Variants in GCNT2 observed in about 807,000 individuals in gnomAD.
GCNT2 encodes the protein N-acetyllactosaminide beta-1,6-N-acetylglucosaminyl-transferase.
GCNT2 carries 34 observed loss-of-function variants against 34.2 expected under a neutral mutation model. The observed-to-expected ratio is 1.00, with a 90% CI of 0.76 to 1.32. The LOEUF (loss-of-function observed/expected upper bound fraction) is 1.32, where lower values mean the gene tolerates loss of function less well. Among genes scored for constraint, GCNT2 ranks in the 40% most tolerant of loss-of-function variants. The probability of loss-of-function intolerance (pLI) is 0.00; values close to 1 mark genes in which losing one functional copy is unlikely to be tolerated. For missense variants in GCNT2, 584 were observed against 489.4 expected (o/e 1.19, Z -1.82); for synonymous variants, 212 against 188.0 (o/e 1.13, Z -1.04).
rs748306863 is a variant in GCNT2, at chr6:10,626,521, C to T, written c.1123C>T (p.Leu375Phe). Residue 375 changes from leucine (L) to phenylalanine (F), a missense_variant, in exon 5 of 5, where the codon CTT becomes TTT. Transcript: ENST00000495262. ...ANKFELNTYP[L>F]TVECLELRHR... The stretch of plus-strand genomic sequence containing the variant: ...CAAGTTTGAGCTTAATACCTACCCC[C>T]TTACTGTGGAATGCCTAGAACTGAG... The T allele has an allele frequency of 5.0e-6, 8 of 1,613,582 alleles. No individual in the cohort carries two copies. The highest frequency in any genetic ancestry group is 2.2e-5 in the East Asian group (1 of 44,888).
At chr6:10,561,198 T>C (rs1392425686) in intron 3 of GCNT2, among the ~76,000 whole-genome samples, 1 of 152,200 alleles carries the variant, frequency 6.6e-6, no homozygotes, top group Non-Finnish European at 1.5e-5. Context: ...AGAGTTTCAC[T>C]CTTGCCCAGG....
intron 3 of GCNT2, among the ~76,000 whole-genome samples, chr6:10,617,998 G>A (rs916500604): frequency 2.0e-5 from 3 of 149,050 alleles, no homozygotes; most frequent in East Asian, 2.0e-4. Flanking sequence ...CAGGTGATCC[G>A]CCCGCCTCGG....
chr6:10,582,043 T>TATATATTTAA lies in GCNT2; in HGVS notation c.926-39304_926-39303insATTTAAATAT, dbSNP rs1325773935. The TATATATTTAA allele has an allele frequency of 5.7e-3, 1,029 of 181,142 alleles. 13 individuals are homozygous for TATATATTTAA. The highest frequency in any genetic ancestry group is 0.024 in the African/African-American group (969 of 40,668). The allele number at this position is 181,142 out of a possible 1,614,324, so 11.2% of individuals were successfully genotyped here. ...GTATATATCATATGTATTATATGTA[T>TATATATTTAA]ATATTTAAAAATACACATGTAATAT... On this transcript the variant is annotated intron_variant, in intron 3 of 4. Coordinates refer to ENST00000495262, the MANE Select transcript of GCNT2 (RefSeq NM_145649.5).
chr6:10,546,356 A>T (rs968172738), intron 3 of GCNT2, among the ~76,000 whole-genome samples: 1 of 152,078 alleles, frequency 6.6e-6, no homozygotes, highest in African/African-American at 2.4e-5. Flanking sequence ...CCTAAAACTC[A>T]ACTACTAAAA....
intron 4 of GCNT2, among the ~76,000 whole-genome samples, chr6:10,625,325 A>G (rs1766210487): frequency 6.6e-6 from 1 of 152,176 alleles, no homozygotes; most frequent in Admixed American, 6.5e-5. Context: ...AAAAATCTTT[A>G]AGGACTGTCC....
intron 3 of GCNT2, among the ~76,000 whole-genome samples, chr6:10,542,259 G>T (rs1252564894): frequency 6.6e-6 from 1 of 152,114 alleles, no homozygotes; most frequent in African/African-American, 2.4e-5. Context: ...TTTTCTAGAA[G>T]GCTTGCCAAT....
chr6:10,621,321 C>T, intron 3 of GCNT2, 30 bp from the exon 4 acceptor site: 1 of 1,412,862 alleles, frequency 7.1e-7, no homozygotes, highest in Non-Finnish European at 1.0e-6. Flanking sequence ...TGACTCTCAT[C>T]TCTACGCTTC....
intron 3 of GCNT2, among the ~76,000 whole-genome samples, chr6:10,568,217 G>GT (rs1232442547): frequency 1.3e-5 from 2 of 151,794 alleles, no homozygotes; most frequent in Non-Finnish European, 2.9e-5. Flanking sequence ...ACATCTCCTT[G>GT]TTTTTTGGAT....
chr6:10,585,573 A>G (rs1764306451), intron 3 of GCNT2, among the ~76,000 whole-genome samples: 1 of 152,200 alleles, frequency 6.6e-6, no homozygotes, highest in South Asian at 2.1e-4. Flanking sequence ...AGATCAGAAT[A>G]GATTGATGGA....
chr6:10,605,192 T>G (rs1378898879), intron 3 of GCNT2, among the ~76,000 whole-genome samples: 2 of 149,964 alleles, frequency 1.3e-5, no homozygotes, highest in Non-Finnish European at 3.0e-5. Flanking sequence ...TAACCACATA[T>G]TGCTTTCATG....
At chr6:10,573,019 T>C (rs1392754784) in intron 3 of GCNT2, 6 of 196,132 alleles carry the variant, frequency 3.1e-5, no homozygotes, top group Non-Finnish European at 5.5e-5. Flanking sequence ...TAAGAGTGGA[T>C]TGAATAAACT....
Position 10,627,257 on chromosome 6 carries a change from C to A in GCNT2, c.*650C>A, listed in dbSNP as rs1280233579. ...GTCTGTTGCTTCAGTAAAAGGACCT[C>A]GGGGAATAAAACATTTCTCTCTTAT... On this transcript the variant is annotated 3_prime_UTR_variant, in exon 5 of 5. Coordinates refer to ENST00000495262, the MANE Select transcript of GCNT2 (RefSeq NM_145649.5). 1.3e-5 allele frequency: 2 copies of A among 152,462 alleles called. No individual in the cohort carries two copies. The highest frequency in any genetic ancestry group is 4.8e-5 in the African/African-American group (2 of 41,424). 9.4% of individuals were successfully genotyped at this position (152,462 alleles called of 1,614,324 possible).
chr6:10,544,333 G>A lies in GCNT2; in HGVS notation c.925+14497G>A, dbSNP rs969963413. On this transcript the variant is annotated intron_variant, in intron 3 of 4. Transcript: ENST00000495262. ...TCTCAAAAAGTAAAATAGGCAACAC[G>A]GTGGCTCACGCCTGTAATCCCAGCA... 4.7e-5 allele frequency among the ~76,000 whole-genome samples: 7 copies of A among 148,548 alleles called. No individual in the cohort carries two copies. In the East Asian group the frequency reaches 8.0e-4, roughly 17 times the overall value.
chr6:10,525,484 C>T (rs1468911533), intron 1 of GCNT2, among the ~76,000 whole-genome samples: 1 of 152,142 alleles, frequency 6.6e-6, no homozygotes, highest in Admixed American at 6.6e-5. Flanking sequence ...AACGCAAGAG[C>T]CTAGAGCCCA....
At chr6:10,553,889 G>A (rs1170239801) in intron 3 of GCNT2, among the ~76,000 whole-genome samples, 1 of 152,174 alleles carries the variant, frequency 6.6e-6, no homozygotes, top group African/African-American at 2.4e-5. Context: ...GTCAGACACT[G>A]CCTCAAAGGA....
At chr6:10,536,643 C>T (rs1024134722) in intron 3 of GCNT2, among the ~76,000 whole-genome samples, 4 of 151,438 alleles carry the variant, frequency 2.6e-5, no homozygotes, top group Non-Finnish European at 5.9e-5. Context: ...CGTGAGCTAC[C>T]GTGCCCGGTC....
chr6:10,603,504 A>G (rs6456576), intron 3 of GCNT2, among the ~76,000 whole-genome samples: 67,673 of 152,044 alleles, frequency 0.45, 16,820 homozygotes, highest in East Asian at 0.64. Flanking sequence ...GGAGGGAAAG[A>G]CATAAGCCAC....
intron 3 of GCNT2, among the ~76,000 whole-genome samples, chr6:10,609,482 C>T (rs922592499): frequency 5.3e-5 from 8 of 152,174 alleles, no homozygotes; most frequent in African/African-American, 1.9e-4. Flanking sequence ...CTTAAGGTCC[C>T]ACCTCTCAAA....
At chr6:10,557,301 G>A (rs752789712) in intron 3 of GCNT2, 1 of 1,614,000 alleles carries the variant, frequency 6.2e-7, no homozygotes, top group Non-Finnish European at 8.5e-7. Context: ...GACACTTTCA[G>A]TCCTGATGAG....
Sources: allele counts gnomAD v4.1 joint callset (sites outside exome capture counted in the v4.1 genomes callset), GRCh38; gene constraint gnomAD v4.1.1; transcripts MANE v1.5; gene names NCBI Gene and HGNC (gene_info 2026-07-23, HGNC 2026-07-21).